GOLGB1: variants seen among roughly 807,000 people sequenced by gnomAD.
GOLGB1 encodes the protein golgin B1.
GOLGB1 carries 174 observed loss-of-function variants against 336.9 expected under a neutral mutation model. The ratio of observed to expected loss-of-function variants is 0.52; its 90% CI spans 0.46 to 0.59. GOLGB1 has a LOEUF of 0.59. Ranked by LOEUF, GOLGB1 falls within the 20% of genes least tolerant of loss-of-function variation. GOLGB1 has a pLI of 0.00. For synonymous variants in GOLGB1, 1,208 were observed against 1,289.2 expected (o/e 0.94, Z 1.35); for missense variants, 3,331 against 3,645.3 (o/e 0.91, Z 2.22).
In GOLGB1 at chr3:121,695,189, T is replaced by C; in HGVS notation, c.5334A>G (p.Leu1778=). The change falls in exon 13 of 22, where the codon CTA becomes CTG. Residue 1778 remains leucine, a synonymous_variant. Coordinates refer to ENST00000614479, the MANE Select transcript of GOLGB1 (RefSeq NM_001366282.2). ...GGTTATCATGTTTCTCGGTGGCCTCTAGGTTAGCTTGTTTAGATACATTAC... is the reference window on the plus strand; with the variant it reads ...GGTTATCATGTTTCTCGGTGGCCTCCAGGTTAGCTTGTTTAGATACATTAC... The part of the protein sequence containing the change: ...IEGNVSKQAN[L]EATEKHDNQT... The C allele has an allele frequency of 6.2e-7, 1 of 1,612,352 alleles. No homozygotes were observed. Among genetic ancestry groups the C allele is most frequent in the South Asian group, 1.1e-5 (1 of 90,940 alleles).
At chr3:121,686,933 T>A (rs1576317979) in intron 14 of GOLGB1, among the ~76,000 whole-genome samples, 1 of 151,866 alleles carries the variant, frequency 6.6e-6, no homozygotes, top group South Asian at 2.1e-4. Context: ...GAATGAAGGG[T>A]ATGAGTAGGG....
At chr3:121,728,341 ATT>A (rs1945827325) in intron 4 of GOLGB1, among the ~76,000 whole-genome samples, 1 of 152,192 alleles carries the variant, frequency 6.6e-6, no homozygotes, top group Non-Finnish European at 1.5e-5. Context: ...TTAAAATCTC[ATT>A]TCCCAAGAAC....
At position 121,727,291 on chromosome 3, in the gene GOLGB1, C is replaced by CATATATAT. The variant is rs1560307098; in HGVS notation, c.403-251_403-250insATATATAT. On this transcript the variant is annotated intron_variant, in intron 4 of 21. Transcript: ENST00000614479. ...AAACTGTGAAATACATACACACACACACATATATATATATATATATATATA... is the reference window on the plus strand; with the variant it reads ...AAACTGTGAAATACATACACACACACATATATATACATATATATATATATATATATATA... 3.0e-3 allele frequency among the ~76,000 whole-genome samples: 155 copies of CATATATAT among 51,046 alleles called. 1 individual carries two copies. Among genetic ancestry groups the CATATATAT allele is most frequent in the South Asian group, 4.7e-3 (6 of 1,280 alleles). 33.5% of individuals were successfully genotyped at this position (51,046 alleles called of 152,430 possible).
intron 5 of GOLGB1, among the ~76,000 whole-genome samples, chr3:121,726,053 T>C (rs1945567250): frequency 6.6e-6 from 1 of 151,540 alleles, no homozygotes; most frequent in Non-Finnish European, 1.5e-5. Context: ...AATGATATGA[T>C]TATAGGTGAT....
In GOLGB1 at chr3:121,692,405, T is replaced by G; in HGVS notation, c.6959A>C (p.Lys2320Thr). ...ATCAGTCAACTGGTCTTTGAGACTC[T>G]TAAGTTCTGATTCCAACTTAGCTAA... ...NELAKLESEL[K>T]SLKDQLTDLS... The change falls in exon 14 of 22, where the codon AAG becomes ACG. Residue 2320 changes from lysine (K) to threonine (T), a missense_variant. Physicochemically the swap from Lys to Thr is moderately conservative, Grantham distance 78 (BLOSUM62 -1). Transcript: ENST00000614479. The G allele has an allele frequency of 3.7e-6, 6 of 1,613,610 alleles. No individual in the cohort carries two copies. The highest frequency in any genetic ancestry group is 5.1e-6 in the Non-Finnish European group (6 of 1,179,902).
chr3:121,690,662 C>CT lies in GOLGB1; in HGVS notation c.8694+7dup. 1 of 1,342,968 alleles carries CT rather than the reference C, an allele frequency of 7.4e-7. No individual in the cohort carries two copies. The highest frequency in any genetic ancestry group is 1.0e-6 in the Non-Finnish European group (1 of 985,960). The allele number at this position is 1,342,968 out of a possible 1,614,324, so 83.2% of individuals were successfully genotyped here. On this transcript the variant is annotated splice_region_variant and intron_variant, in intron 14 of 21. Transcript: ENST00000614479. The stretch of plus-strand genomic sequence containing the variant: ...AAACAGATCAGAAAGAAAGAACTAG[C>CT]TACTCACTAGTCTGTCTCTGTCATT...
At chr3:121,676,805 G>T in intron 17 of GOLGB1, 88 bp downstream of exon 17, 1 of 1,118,324 alleles carries the variant, frequency 8.9e-7, no homozygotes, top group South Asian at 1.3e-5. Context: ...CTACAGCTGG[G>T]ACTCTATGCT....
intron 2 of GOLGB1, among the ~76,000 whole-genome samples, chr3:121,730,410 A>G (rs966157336): frequency 6.6e-6 from 1 of 152,166 alleles, no homozygotes; most frequent in African/African-American, 2.4e-5. Context: ...CCTTATGTGG[A>G]CTTCAGAAAA....
At chr3:121,742,098 CAAAATTGGA>C (rs1237851653) in intron 1 of GOLGB1, among the ~76,000 whole-genome samples, 1 of 152,040 alleles carries the variant, frequency 6.6e-6, no homozygotes, top group African/African-American at 2.4e-5. Flanking sequence ...ACTTTCTTCA[CAAAATTGGA>C]AAAAACTACT....
Position 121,699,866 on chromosome 3 carries a change from A to T in GOLGB1, c.1539T>A (p.Ile513=). The change falls in exon 12 of 22, where the codon ATT becomes ATA. Residue 513 remains isoleucine (I), a synonymous_variant. Coordinates refer to ENST00000614479, the MANE Select transcript of GOLGB1 (RefSeq NM_001366282.2). ...TTCTATTCTGAGCCTCTAGGAGAGT[A>T]ATCTGAGAAGACAGTTTTTCTGAAA... ...KAENEKLSSQ[I]TLLEAQNRTG... The T allele has an allele frequency of 6.2e-7, 1 of 1,600,152 alleles. No individual in the cohort carries two copies. Among genetic ancestry groups the T allele is most frequent in the Non-Finnish European group, 8.6e-7 (1 of 1,169,508 alleles).
At chr3:121,738,596 T>C (rs923242727) in intron 1 of GOLGB1, among the ~76,000 whole-genome samples, 1 of 152,128 alleles carries the variant, frequency 6.6e-6, no homozygotes, top group Non-Finnish European at 1.5e-5. Context: ...AGAACAGTAG[T>C]TGATACAAGG....
chr3:121,678,251 G>A (rs1940655799), intron 15 of GOLGB1, among the ~76,000 whole-genome samples: 1 of 152,160 alleles, frequency 6.6e-6, no homozygotes, highest in African/African-American at 2.4e-5. Context: ...TCTTTTAGAT[G>A]TAATTTTACT....
chr3:121,746,964 A>G (rs1947333327), intron 1 of GOLGB1, among the ~76,000 whole-genome samples: 1 of 151,570 alleles, frequency 6.6e-6, no homozygotes. Context: ...ATTATCCAAT[A>G]TTCTTTACTC....
intron 10 of GOLGB1, among the ~76,000 whole-genome samples, chr3:121,707,808 A>G (rs11710169): frequency 0.34 from 51,903 of 152,042 alleles, 9,527 homozygotes; most frequent in Non-Finnish European, 0.42. Context: ...TCACTTTACA[A>G]TGGCAGAGTT....
At chr3:121,722,708 C>A (rs190994230) in intron 5 of GOLGB1, among the ~76,000 whole-genome samples, 15 of 152,142 alleles carry the variant, frequency 9.9e-5, no homozygotes, top group African/African-American at 3.4e-4. Context: ...AAGGACAAAC[C>A]ACCAAAACCC....
intron 14 of GOLGB1, among the ~76,000 whole-genome samples, chr3:121,686,577 T>C (rs1297349132): frequency 6.6e-6 from 1 of 152,154 alleles, no homozygotes; most frequent in Non-Finnish European, 1.5e-5. Context: ...ATGCTAAAGA[T>C]GTACAAATAA....
chr3:121,744,993 G>C (rs1265040218), intron 1 of GOLGB1, among the ~76,000 whole-genome samples: 3 of 152,048 alleles, frequency 2.0e-5, no homozygotes, highest in Non-Finnish European at 2.9e-5. Flanking sequence ...GACTAACAAG[G>C]ACCATTCTAA....
chr3:121,708,204 T>C (rs965827549), intron 10 of GOLGB1, among the ~76,000 whole-genome samples: 1 of 152,130 alleles, frequency 6.6e-6, no homozygotes, highest in African/African-American at 2.4e-5. Context: ...TTTAAAAATC[T>C]ATAATGACAG....
rs1468764320 is a variant in GOLGB1 at position 121,691,745 on chromosome 3, T to C, written c.7619A>G (p.Gln2540Arg). 1 of 1,613,736 alleles carries C rather than the reference T, an allele frequency of 6.2e-7. No individual in the cohort carries two copies. Among genetic ancestry groups the C allele is most frequent in the Admixed American group, 1.7e-5 (1 of 59,996 alleles). Residue 2540 changes from glutamine to arginine, a missense_variant, in exon 14 of 22, where the codon CAA becomes CGA. Coordinates refer to ENST00000614479, the MANE Select transcript of GOLGB1 (RefSeq NM_001366282.2). ...ENAKLDAELI[Q>R]YREDLNQVIT... is the part of the protein sequence containing the mutation. ...CACTTGGTTCAGGTCTTCTCTATATTGGATCAGTTCTGCATCTAGCTTGGC... is the reference window on the plus strand; with the variant it reads ...CACTTGGTTCAGGTCTTCTCTATATCGGATCAGTTCTGCATCTAGCTTGGC...
Sources: gnomAD v4.1 joint callset for allele counts (sites outside exome capture counted in the v4.1 genomes callset) on GRCh38, gnomAD v4.1.1 for gene constraint, MANE v1.5 for transcripts, NCBI Gene and HGNC (gene_info 2026-07-23, HGNC 2026-07-21) for gene names.